Variants in SNX9 observed in about 807,000 individuals in gnomAD.
SNX9 encodes the protein sorting nexin 9, also known as sorting nexin-9.
In SNX9, 44 loss-of-function variants were observed where a neutral mutation model predicts 89.4. That is an observed-to-expected ratio of 0.49 (90% CI 0.39 to 0.63). The LOEUF (loss-of-function observed/expected upper bound fraction) is 0.63. SNX9 is among the 30% of genes least tolerant of loss of function. The pLI is 0.00. For synonymous variants in SNX9, 236 were observed against 247.8 expected (o/e 0.95, Z 0.45); for missense variants, 578 against 736.1 (o/e 0.79, Z 2.49).
intron 1 of SNX9, chr6:157,829,075 T>A (rs1466019512): frequency 2.0e-5 from 3 of 151,972 alleles, no homozygotes; most frequent in African/African-American, 7.3e-5. Flanking sequence ...CTTTTAATCA[T>A]GTGTTTTAGT....
intron 10 of SNX9, chr6:157,924,594 C>G (rs1162844324): frequency 1.3e-5 from 2 of 155,738 alleles, no homozygotes; most frequent in African/African-American, 4.8e-5. Context: ...TTAAAGTTTT[C>G]CCAGAATATG....
intron 1 of SNX9, among the ~76,000 whole-genome samples, chr6:157,840,419 CTTTTCTTTCT>C (rs1562590882): frequency 2.1e-5 from 3 of 141,404 alleles, no homozygotes. Context: ...TTCTTTCTTT[CTTTTCTTTCT>C]TTTCTTTCCT....
intron 7 of SNX9, among the ~76,000 whole-genome samples, chr6:157,908,932 C>T (rs1400431376): frequency 1.3e-5 from 2 of 152,202 alleles, no homozygotes; most frequent in South Asian, 2.1e-4. Flanking sequence ...GCAAGCCTTG[C>T]CCAGGTGGAC....
intron 1 of SNX9, among the ~76,000 whole-genome samples, chr6:157,834,877 A>G (rs994044290): frequency 6.6e-6 from 1 of 152,210 alleles, no homozygotes; most frequent in Non-Finnish European, 1.5e-5. Flanking sequence ...AGCGTATTCA[A>G]TGTCCTTGCA....
chr6:157,895,434 A>G (rs11752604), intron 4 of SNX9, among the ~76,000 whole-genome samples: 39,048 of 152,056 alleles, frequency 0.26, 5,407 homozygotes, highest in African/African-American at 0.35. Context: ...TTGATAAAGC[A>G]GTGTCTGTTT....
intron 1 of SNX9, among the ~76,000 whole-genome samples, chr6:157,838,224 G>A (rs543152006): frequency 6.6e-6 from 1 of 151,974 alleles, no homozygotes; most frequent in African/African-American, 2.4e-5. Flanking sequence ...TGTTGCCCAG[G>A]CTGGTCTTGA....
chr6:157,839,745 G>C (rs1781657770), intron 1 of SNX9, among the ~76,000 whole-genome samples: 1 of 152,178 alleles, frequency 6.6e-6, no homozygotes, highest in Non-Finnish European at 1.5e-5. Context: ...TGGCCTTGAA[G>C]GTGTGACCCC....
chr6:157,891,202 T>A (rs186317005), intron 4 of SNX9, among the ~76,000 whole-genome samples: 18 of 152,048 alleles, frequency 1.2e-4, no homozygotes, highest in Non-Finnish European at 2.4e-4. Flanking sequence ...CGGCTTTTTG[T>A]ATTTTTAATA....
At chr6:157,932,000 T>G (rs1783818730) in intron 12 of SNX9, among the ~76,000 whole-genome samples, 195 bp from the exon 13 acceptor site, 1 of 152,222 alleles carries the variant, frequency 6.6e-6, no homozygotes, top group East Asian at 1.9e-4. Context: ...GCATCCACCA[T>G]TAGTTGAACA....
Position 157,875,071 on chromosome 6 carries a change from A to T in SNX9, c.195A>T (p.Lys65Asn). 1 of 1,613,884 alleles carries T rather than the reference A, an allele frequency of 6.2e-7. No individual in the cohort carries two copies. The highest frequency in any genetic ancestry group is 8.5e-7 in the Non-Finnish European group (1 of 1,179,896). ...TTCAGATTTTACCCAGTGATGGAAA[A>T]GATCAATTTTCTTGTGGAAATTCAG... The part of the protein sequence containing the change: ...DYVEILPSDG[K>N]DQFSCGNSVA... The change falls in exon 4 of 18, where the codon AAA (lysine) becomes AAT (asparagine). Residue 65 changes from lysine to asparagine, a missense_variant. By Grantham distance (94) the Lys-to-Asn change is moderately conservative (BLOSUM62 0). This residue lies in a region of SNX9 where 230 missense variants were observed against 244.7 expected (regional missense o/e 0.94). Transcript: ENST00000392185.
At chr6:157,916,537 A>G (rs1360547593) in intron 9 of SNX9, among the ~76,000 whole-genome samples, 1 of 152,234 alleles carries the variant, frequency 6.6e-6, no homozygotes, top group Non-Finnish European at 1.5e-5. Flanking sequence ...GTCTTTCACC[A>G]TTAACTATGA....
chr6:157,939,704 TG>T (rs1030417780), intron 16 of SNX9, among the ~76,000 whole-genome samples: 1 of 152,204 alleles, frequency 6.6e-6, no homozygotes, highest in African/African-American at 2.4e-5. Flanking sequence ...GAACCCTGAT[TG>T]AAGTTTCGGG....
chr6:157,845,148 G>A (rs901869870), intron 1 of SNX9, among the ~76,000 whole-genome samples: 4 of 137,522 alleles, frequency 2.9e-5, no homozygotes, highest in African/African-American at 8.4e-5. Context: ...CGCTCTTGTC[G>A]CCCAGGCTGG....
At chr6:157,881,805 G>A (rs1228697665) in intron 4 of SNX9, among the ~76,000 whole-genome samples, 2 of 152,220 alleles carry the variant, frequency 1.3e-5, no homozygotes, top group Non-Finnish European at 2.9e-5. Flanking sequence ...GGAAGCTGCA[G>A]AAGAAAAGTT....
chr6:157,866,925 T>C (rs781390303), intron 1 of SNX9, among the ~76,000 whole-genome samples: 2 of 152,132 alleles, frequency 1.3e-5, no homozygotes, highest in Non-Finnish European at 2.9e-5. Flanking sequence ...AGTCTGTTGT[T>C]GTTGTTAATG....
intron 1 of SNX9, among the ~76,000 whole-genome samples, chr6:157,835,886 A>C (rs553307702): frequency 6.6e-6 from 1 of 152,206 alleles, no homozygotes; most frequent in South Asian, 2.1e-4. Context: ...AAAACAGACT[A>C]ATACAGTCTG....
intron 2 of SNX9, chr6:157,872,775 C>T (rs1782440888): frequency 5.9e-6 from 1 of 170,580 alleles, no homozygotes. Context: ...GATGCGCATC[C>T]CACCGCTTCA....
chr6:157,908,117 A>G (rs1783256705), intron 7 of SNX9, among the ~76,000 whole-genome samples: 2 of 151,802 alleles, frequency 1.3e-5, no homozygotes, highest in South Asian at 4.2e-4. Flanking sequence ...GACTGGGTAT[A>G]CCTTTTTTTC....
At chr6:157,921,233 G>A (rs1442283096) in intron 9 of SNX9, among the ~76,000 whole-genome samples, 2 of 152,252 alleles carry the variant, frequency 1.3e-5, no homozygotes, top group East Asian at 3.9e-4. Flanking sequence ...GTACTTTAAG[G>A]ATACTTGAAG....
Sources: allele counts gnomAD v4.1 joint callset (sites outside exome capture counted in the v4.1 genomes callset), GRCh38; gene constraint gnomAD v4.1.1; regional missense constraint gnomAD v4.1.1; transcripts MANE v1.5; gene names NCBI Gene and HGNC (gene_info 2026-07-23, HGNC 2026-07-21).